RAF1: variants seen among roughly 807,000 people sequenced by gnomAD.
The protein encoded by RAF1 is Raf-1 proto-oncogene, serine/threonine kinase.
Under a neutral mutation model 81.1 loss-of-function variants are expected in RAF1, and 27 were observed. That is an observed-to-expected ratio of 0.33 (90% CI 0.25 to 0.46). RAF1 has a LOEUF of 0.46. Among genes scored for constraint, RAF1 ranks in the 20% least tolerant of loss-of-function variants. The pLI is 1.00. For synonymous variants in RAF1, 298 were observed against 294.0 expected (o/e 1.01, Z -0.14); for missense variants, 598 against 826.0 (o/e 0.72, Z 3.38).
At chr3:12,621,877 G>A (rs1208915225) in intron 1 of RAF1, among the ~76,000 whole-genome samples, 2 of 152,128 alleles carry the variant, frequency 1.3e-5, no homozygotes, top group African/African-American at 4.8e-5. Flanking sequence ...GGGAAATCTA[G>A]AAATAAATAA....
intron 3 of RAF1, among the ~76,000 whole-genome samples, chr3:12,611,077 T>A (rs900560782): frequency 6.6e-5 from 10 of 152,316 alleles, no homozygotes; most frequent in Non-Finnish European, 1.5e-4. Flanking sequence ...AATAATGCAC[T>A]TTCTGAGTGC....
chr3:12,641,634 G>A (rs1210820911), intron 1 of RAF1, among the ~76,000 whole-genome samples: 1 of 151,572 alleles, frequency 6.6e-6, no homozygotes, highest in African/African-American at 2.4e-5. Context: ...TGGGACCACA[G>A]GCATGTGCCA....
chr3:12,634,223 T>C (rs114182188), intron 1 of RAF1, among the ~76,000 whole-genome samples: 303 of 151,094 alleles, frequency 2.0e-3, no homozygotes, highest in African/African-American at 6.9e-3. Flanking sequence ...CCTTGCTCAC[T>C]GCAGCCTCCG....
At position 12,618,558 on chromosome 3, in the gene RAF1, C is replaced by T. The variant is rs1375650636; in HGVS notation, c.164G>A (p.Ser55Asn). 17 of 1,614,164 alleles carry T rather than the reference C, an allele frequency of 1.1e-5. No homozygotes were observed. In the East Asian group the frequency reaches 1.1e-4, roughly 11 times the overall value. Residue 55 changes from serine to asparagine, a missense_variant, in exon 2 of 18, where the codon AGC (serine) becomes AAC (asparagine). Physicochemically the swap from Ser to Asn is conservative, Grantham distance 46. This residue lies in a region of RAF1 where 83 missense variants were observed against 72.3 expected (regional missense o/e 1.15). Coordinates refer to ENST00000442415, the MANE Select transcript of RAF1 (RefSeq NM_001354689.3). ...CGGCAAGAAAACACGGATAGTGTTG[C>T]TTGTCTTAGAAGGATCTGTGAGTTT... is the stretch of plus-strand genomic sequence containing the variant.
At chr3:12,587,401 G>A in intron 14 of RAF1, 190 bp downstream of exon 13, 1 of 678,512 alleles carries the variant, frequency 1.5e-6, no homozygotes, top group Non-Finnish European at 2.7e-6. Flanking sequence ...CATCAGTCCA[G>A]GTGAGGCATA....
At chr3:12,587,294 T>C (rs778820978) in intron 14 of RAF1, 6 of 470,006 alleles carry the variant, frequency 1.3e-5, no homozygotes, top group Admixed American at 3.6e-5. Context: ...TTACTAATAG[T>C]GTGATAAAAT....
intron 1 of RAF1, among the ~76,000 whole-genome samples, chr3:12,620,378 C>T (rs1225750177): frequency 3.3e-5 from 5 of 152,110 alleles, no homozygotes; most frequent in East Asian, 3.9e-4. Flanking sequence ...GTGATCTGTC[C>T]GCCTCGGCCT....
chr3:12,587,004 TTTTAAA>T (rs1471049519), intron 14 of RAF1: 1 of 153,078 alleles, frequency 6.5e-6, no homozygotes, highest in Non-Finnish European at 1.5e-5. Flanking sequence ...CTCAGCTAAT[TTTTAAA>T]TTTAGAGATG....
At chr3:12,640,264 C>G (rs948825512) in intron 1 of RAF1, among the ~76,000 whole-genome samples, 2 of 151,964 alleles carry the variant, frequency 1.3e-5, no homozygotes, top group African/African-American at 4.8e-5. Context: ...CCATAAAAAC[C>G]CTACAAGAAA....
intron 6 of RAF1, among the ~76,000 whole-genome samples, 160 bp downstream of exon 6, chr3:12,606,041 T>C (rs2059017259): frequency 1.1e-5 from 1 of 94,400 alleles, no homozygotes; most frequent in Non-Finnish European, 2.2e-5. Context: ...CAGAAATTTC[T>C]ACCTTTTCTG....
At chr3:12,624,347 G>A (rs966065533) in intron 1 of RAF1, among the ~76,000 whole-genome samples, 1 of 151,978 alleles carries the variant, frequency 6.6e-6, no homozygotes, top group African/African-American at 2.4e-5. Flanking sequence ...TGAAAAATCA[G>A]GGCAGACATC....
intron 15 of RAF1, 98 bp downstream of exon 14, chr3:12,585,583 G>C: frequency 2.2e-6 from 3 of 1,375,562 alleles, no homozygotes; most frequent in Admixed American, 1.7e-5. Flanking sequence ...TGTGGATTTC[G>C]GGGAAATGTA....
At chr3:12,610,714 G>A (rs1041918028) in intron 3 of RAF1, among the ~76,000 whole-genome samples, 6 of 152,178 alleles carry the variant, frequency 3.9e-5, no homozygotes, top group African/African-American at 9.6e-5. Context: ...TTTGAAACAT[G>A]AAAAAATGTA....
In RAF1 at chr3:12,584,973, G is replaced by A. The variant is rs781030481; in HGVS notation, c.1737C>T (p.Phe579=). ...GGGAGGCATATCCTCGGCCCACCAT[G>A]AAGATGATCTAAGGGAAAGAAAACA... The change falls in exon 17 of 18, where the codon TTC becomes TTT. Residue 579 remains phenylalanine (F), a synonymous_variant. Coordinates refer to ENST00000442415, the MANE Select transcript of RAF1 (RefSeq NM_001354689.3). 1 of 1,614,136 alleles carries A rather than the reference G, an allele frequency of 6.2e-7. No homozygotes were observed. Among genetic ancestry groups the A allele is most frequent in the East Asian group, 2.2e-5 (1 of 44,876 alleles).
At chr3:12,593,005 G>T (rs1329440454) in intron 11 of RAF1, among the ~76,000 whole-genome samples, 1 of 151,772 alleles carries the variant, frequency 6.6e-6, no homozygotes, top group Admixed American at 6.6e-5. Context: ...CTCCCAAAGT[G>T]CTGGGATTAC....
At position 12,606,235 on chromosome 3, in the gene RAF1, G is replaced by T; in HGVS notation, c.646C>A (p.Arg216Ser). The T allele has an allele frequency of 6.2e-7, 1 of 1,613,874 alleles. No individual in the cohort carries two copies. Among genetic ancestry groups the T allele is most frequent in the South Asian group, 1.1e-5 (1 of 91,048 alleles). The change falls in exon 6 of 18, where the codon CGT (arginine) becomes AGT (serine). Residue 216 changes from arginine to serine, a missense_variant. Coordinates refer to ENST00000442415, the MANE Select transcript of RAF1 (RefSeq NM_001354689.3). The stretch of plus-strand genomic sequence containing the variant: ...ATCCTGGAAACAGACTCTCGCATAC[G>T]ACGCATAGTCAAAGAAGGTAGTGCT...
chr3:12,652,952 A>T (rs9819832), intron 1 of RAF1, among the ~76,000 whole-genome samples: 35,765 of 151,096 alleles, frequency 0.24, 4,787 homozygotes, highest in African/African-American at 0.36. Flanking sequence ...AAAAAAAAAA[A>T]TTTTTTTAAT....
rs2290162 is a variant in RAF1, at chr3:12,605,958, A to G, written c.680+243T>C. ...CTTTAAAATGTAATGACATATTAAG[A>G]AATATGCTATGATAACAGAAGAAGC... On this transcript the variant is annotated intron_variant, in intron 6 of 17. Coordinates refer to ENST00000442415, the MANE Select transcript of RAF1 (RefSeq NM_001354689.3). Among the ~76,000 whole-genome samples the G allele has an allele frequency of 0.23, 35,092 of 152,120 alleles. 4,611 individuals are homozygous for G. Among genetic ancestry groups the G allele is most frequent in the African/African-American group, 0.36 (14,828 of 41,488 alleles).
chr3:12,661,966 C>T (rs2060891050), intron 1 of RAF1, among the ~76,000 whole-genome samples: 1 of 151,810 alleles, frequency 6.6e-6, no homozygotes, highest in African/African-American at 2.4e-5. Context: ...TGGAGGATCA[C>T]TTGAGCCCAA....
Sources: allele counts gnomAD v4.1 joint callset (sites outside exome capture counted in the v4.1 genomes callset), GRCh38; gene constraint gnomAD v4.1.1; regional missense constraint gnomAD v4.1.1; transcripts MANE v1.5; gene names NCBI Gene and HGNC (gene_info 2026-07-23, HGNC 2026-07-21).